RFWD3: variants seen among roughly 807,000 people sequenced by gnomAD.
The protein encoded by RFWD3 is ring finger and WD repeat domain 3.
Under a neutral mutation model 87.7 loss-of-function variants are expected in RFWD3, and 65 were observed. The observed-to-expected ratio is 0.74, with a 90% confidence interval of 0.61 to 0.91. The LOEUF (loss-of-function observed/expected upper bound fraction) is 0.91. Ranked by LOEUF, RFWD3 falls within the 40% of genes least tolerant of loss-of-function variation. The probability of loss-of-function intolerance (pLI) is 0.00; values close to 1 mark genes in which losing one functional copy is unlikely to be tolerated. For missense variants in RFWD3, 1,078 were observed against 938.5 expected, an observed-to-expected ratio of 1.15 and a Z score of -1.94; for synonymous variants, 433 against 352.8, an observed-to-expected ratio of 1.23 and a Z score of -2.55.
At chr16:74,664,644 G>C (rs928463845) in intron 1 of RFWD3, 1 of 152,148 alleles carries the variant, frequency 6.6e-6, no homozygotes, top group Admixed American at 6.6e-5. Context: ...AGCTACTTGG[G>C]AGGCTGAGGC....
chr16:74,637,774 TTC>T, intron 7 of RFWD3, 80 bp downstream of exon 7: 1 of 1,002,616 alleles, frequency 1.0e-6, no homozygotes, highest in Non-Finnish European at 1.5e-6. Flanking sequence ...TCCTATTTGT[TTC>T]TGAGATGAAC....
chr16:74,635,194 A>G (rs1416554556), intron 8 of RFWD3, among the ~76,000 whole-genome samples: 2 of 152,048 alleles, frequency 1.3e-5, no homozygotes, highest in Non-Finnish European at 2.9e-5. Flanking sequence ...GCAGAATGGC[A>G]TGAACCCGAG....
chr16:74,630,026 T>A (rs545273143), intron 10 of RFWD3, among the ~76,000 whole-genome samples: 1 of 152,320 alleles, frequency 6.6e-6, no homozygotes, highest in South Asian at 2.1e-4. Context: ...TAGCTTTGGA[T>A]TAGGGAAGTT....
At chr16:74,661,594 T>C in intron 1 of RFWD3, 143 bp from the exon 2 acceptor site, 1 of 791,010 alleles carries the variant, frequency 1.3e-6, no homozygotes, top group Non-Finnish European at 2.0e-6. Context: ...AGATTTTAAC[T>C]ACTTAAGTCA....
intron 2 of RFWD3, among the ~76,000 whole-genome samples, chr16:74,658,920 A>G (rs1197217775): frequency 6.6e-6 from 1 of 152,074 alleles, no homozygotes; most frequent in Non-Finnish European, 1.5e-5. Flanking sequence ...GGTGTGTGCC[A>G]CCACGCCCGG....
At position 74,626,320 on chromosome 16, in the gene RFWD3, A is replaced by C. The variant is rs779635998; in HGVS notation, c.2181+23T>G. ...TTAAGCAAAACTACTTTTTATATGAAAGTAAAAAAGTAACAGGCTCACCAG... is the reference window on the plus strand; with the variant it reads ...TTAAGCAAAACTACTTTTTATATGACAGTAAAAAAGTAACAGGCTCACCAG... On this transcript the variant is annotated intron_variant, in intron 12 of 12. Coordinates refer to ENST00000361070, the MANE Select transcript of RFWD3 (RefSeq NM_018124.4). 2.5e-6 allele frequency: 4 copies of C among 1,598,550 alleles called. No individual in the cohort carries two copies. In the Admixed American group the frequency reaches 6.7e-5, roughly 27 times the overall value.
intron 4 of RFWD3, among the ~76,000 whole-genome samples, chr16:74,647,500 C>G (rs1008006450): frequency 6.6e-6 from 1 of 152,150 alleles, no homozygotes; most frequent in Non-Finnish European, 1.5e-5. Flanking sequence ...GTTGGCCAGG[C>G]TGGTCTCAAA....
At chr16:74,661,772 C>G (rs548914821) in intron 1 of RFWD3, among the ~76,000 whole-genome samples, 3 of 152,330 alleles carry the variant, frequency 2.0e-5, no homozygotes, top group South Asian at 4.1e-4. Flanking sequence ...ATCTCTCAGA[C>G]ACTTTGCAGT....
At position 74,661,009 on chromosome 16, in the gene RFWD3, C is replaced by G. The variant is rs759696171; in HGVS notation, c.441G>C (p.Gly147=). 1 of 1,614,176 alleles carries G rather than the reference C, an allele frequency of 6.2e-7. No individual in the cohort carries two copies. The highest frequency in any genetic ancestry group is 1.1e-5 in the South Asian group (1 of 91,078). Residue 147 remains glycine, a synonymous_variant, in exon 2 of 13, where the codon GGG becomes GGC. Transcript: ENST00000361070. ...ATACCCTCCTTCTTGTTCTCATTGG[C>G]CCTACACTGTGGTTTGAAGATGAAG... The part of the protein sequence containing the change: ...LRPSSSNHSV[G]PMRTRRRVSA...
At chr16:74,643,761 T>C (rs546656091) in intron 6 of RFWD3, among the ~76,000 whole-genome samples, 1 of 147,826 alleles carries the variant, frequency 6.8e-6, no homozygotes, top group Non-Finnish European at 1.5e-5. Context: ...CTGCAAGCTC[T>C]GCCTCACGGG....
Position 74,626,479 on chromosome 16 carries a change from C to G in RFWD3, c.2045G>C (p.Cys682Ser). 1 of 1,614,150 alleles carries G rather than the reference C, an allele frequency of 6.2e-7. No individual in the cohort carries two copies. Among genetic ancestry groups the G allele is most frequent in the Non-Finnish European group, 8.5e-7 (1 of 1,180,014 alleles). ...YRLDDTGNPI[C>S]SCQPVHTFFG... ...AAATGTATGTACAGGCTGGCAGGAG[C>G]AGATTGGATTTCCAGTGTCATCCAG... Residue 682 changes from cysteine to serine, a missense_variant, in exon 12 of 13, where the codon TGC becomes TCC. By Grantham distance (112) the Cys-to-Ser change is moderately radical. Coordinates refer to ENST00000361070, the MANE Select transcript of RFWD3 (RefSeq NM_018124.4).
At position 74,660,953 on chromosome 16, in the gene RFWD3, G is replaced by A. The variant is rs1173357766; in HGVS notation, c.497C>T (p.Ser166Phe). Residue 166 changes from serine (S) to phenylalanine (F), a missense_variant, in exon 2 of 13, where the codon TCT (serine) becomes TTT (phenylalanine). Transcript: ENST00000361070. ...TTACCTGGCACTGTCTGTCCTCTGA[G>A]ACCCTCCGGCTCTTGCCCTCCGTGA... ...SASRRARAGGSQRTDSARLRA... is the reference protein window; with the variant it reads ...SASRRARAGGFQRTDSARLRA... 1 of 1,613,608 alleles carries A rather than the reference G, an allele frequency of 6.2e-7. No homozygotes were observed. The highest frequency in any genetic ancestry group is 1.7e-5 in the Admixed American group (1 of 60,008).
chr16:74,627,330 G>C (rs1368628976), intron 11 of RFWD3, among the ~76,000 whole-genome samples: 1 of 152,136 alleles, frequency 6.6e-6, no homozygotes, highest in Non-Finnish European at 1.5e-5. Flanking sequence ...GATGTACCCT[G>C]TCAACTTTGG....
At position 74,636,336 on chromosome 16, in the gene RFWD3, G is replaced by C; in HGVS notation, c.1426+10C>G. The C allele has an allele frequency of 6.2e-7, 1 of 1,609,910 alleles. No homozygotes were observed. The highest frequency in any genetic ancestry group is 8.5e-7 in the Non-Finnish European group (1 of 1,176,204). ...AAAGAACATGAAAGCTGAGGTTCTA[G>C]ACTCTTTACCTGGAAGAAAAGAGGC... is the stretch of plus-strand genomic sequence containing the variant. On this transcript the variant is annotated intron_variant, in intron 8 of 12. Coordinates refer to ENST00000361070, the MANE Select transcript of RFWD3 (RefSeq NM_018124.4).
At chr16:74,646,124 C>T (rs1960122301) in intron 4 of RFWD3, among the ~76,000 whole-genome samples, 1 of 152,108 alleles carries the variant, frequency 6.6e-6, no homozygotes, top group African/African-American at 2.4e-5. Context: ...CCTACAGTCC[C>T]AGCTTATTGG....
Position 74,638,010 on chromosome 16 carries a change from G to A in RFWD3, c.1080-40C>T, listed in dbSNP as rs779119344. 3.6e-6 allele frequency: 5 copies of A among 1,392,602 alleles called. No individual in the cohort carries two copies. In the Admixed American group the frequency reaches 9.1e-5, roughly 25 times the overall value. The allele number at this position is 1,392,602 out of a possible 1,614,324, so 86.3% of individuals were successfully genotyped here. On this transcript the variant is annotated intron_variant, in intron 6 of 12. Transcript: ENST00000361070. ...CCAGCAACAAGTGGGGATTAGGAAG[G>A]CTACAGAAGACTTCCCATCCAGGTG...
At chr16:74,644,510 A>G (rs372948163) in intron 5 of RFWD3, 31 bp downstream of exon 5, 22 of 1,614,044 alleles carry the variant, frequency 1.4e-5, no homozygotes, top group Non-Finnish European at 1.9e-5. Context: ...CTGACTTAAC[A>G]TGTTAATGTG....
Position 74,630,976 on chromosome 16 carries a change from CT to C in RFWD3, c.1578-20del, listed in dbSNP as rs758006482. On this transcript the variant is annotated intron_variant, in intron 9 of 12. Transcript: ENST00000361070. ...CTCCAGGCTGTGGAGTTACAAAAGA[CT>C]TTTACAACTGCATTAAGAAAATCAA... is the stretch of plus-strand genomic sequence containing the variant. The C allele has an allele frequency of 6.3e-7, 1 of 1,587,248 alleles. No homozygotes were observed. The highest frequency in any genetic ancestry group is 2.2e-5 in the East Asian group (1 of 44,562).
Position 74,628,545 on chromosome 16 carries a change from G to A in RFWD3, c.1876C>T (p.His626Tyr), listed in dbSNP as rs1959002603. The change falls in exon 11 of 13, where the codon CAT becomes TAT. Residue 626 changes from histidine (H) to tyrosine (Y), a missense_variant. Transcript: ENST00000361070. ...SFWEQKMDFS[H>Y]WPHVLPLEPG... Reference sequence around the variant, plus strand: ...TCCAAGGGCAGCACATGAGGCCAATGAGAAAAGTCCATTTTCTGTTCCCAG... The same window carrying A: ...TCCAAGGGCAGCACATGAGGCCAATAAGAAAAGTCCATTTTCTGTTCCCAG... 1.9e-6 allele frequency: 3 copies of A among 1,614,078 alleles called. No individual in the cohort carries two copies. The highest frequency in any genetic ancestry group is 1.7e-5 in the Admixed American group (1 of 59,990).
Sources: allele counts gnomAD v4.1 joint callset (sites outside exome capture counted in the v4.1 genomes callset), GRCh38; gene constraint gnomAD v4.1.1; transcripts MANE v1.5; gene names NCBI Gene and HGNC (gene_info 2026-07-23, HGNC 2026-07-21).